Variants in BMPR2 observed in about 807,000 individuals in gnomAD.
BMPR2 encodes bone morphogenetic protein receptor type-2.
BMPR2 carries 29 observed loss-of-function variants against 100.8 expected under a neutral mutation model. The ratio of observed to expected loss-of-function variants is 0.29; its 90% CI spans 0.21 to 0.39. BMPR2 has a LOEUF of 0.39. Among genes scored for constraint, BMPR2 ranks in the 10% least tolerant of loss-of-function variants. BMPR2 has a pLI of 1.00. For missense variants in BMPR2, 1,011 were observed against 1,274.5 expected, an observed-to-expected ratio of 0.79 and a Z score of 3.15; for synonymous variants, 382 against 442.3, an observed-to-expected ratio of 0.86 and a Z score of 1.71.
intron 9 of BMPR2, among the ~76,000 whole-genome samples, chr2:202,534,886 C>T (rs1324952249): frequency 6.9e-6 from 1 of 145,606 alleles, no homozygotes; most frequent in African/African-American, 2.6e-5. Flanking sequence ...GACGGGGCGG[C>T]TGGCCGGGCG....
chr2:202,497,448 G>C (rs910628276), intron 3 of BMPR2, among the ~76,000 whole-genome samples: 1 of 152,218 alleles, frequency 6.6e-6, no homozygotes, highest in Non-Finnish European at 1.5e-5. Flanking sequence ...GTAAAGACAC[G>C]GGTGTCAGGC....
intron 1 of BMPR2, among the ~76,000 whole-genome samples, chr2:202,462,973 A>C (rs943263132): frequency 1.3e-5 from 2 of 152,040 alleles, no homozygotes; most frequent in Non-Finnish European, 2.9e-5. Context: ...TGGCCTCCCA[A>C]AGTGCCTGGG....
chr2:202,429,073 T>C (rs1397517303), intron 1 of BMPR2, among the ~76,000 whole-genome samples: 1 of 152,170 alleles, frequency 6.6e-6, no homozygotes, highest in African/African-American at 2.4e-5. Context: ...ATCTCTAGAA[T>C]CTATTCCTTT....
intron 7 of BMPR2, 136 bp downstream of exon 7, chr2:202,520,337 C>T: frequency 2.7e-6 from 2 of 730,812 alleles, no homozygotes; most frequent in Non-Finnish European, 4.7e-6. Flanking sequence ...TTGAAAGATT[C>T]AGCATGAAAT....
rs538820926 is a variant in BMPR2, at chr2:202,503,675, G to A, written c.419-10044G>A. On this transcript the variant is annotated intron_variant, in intron 3 of 12. Transcript: ENST00000374580. The surrounding 1 kb of genome is among the most constrained non-coding windows in gnomAD (Gnocchi z 4.0). Reference sequence around the variant, plus strand: ...CCACCCCCTCCATGGGCCCCTGTGCGGCCCGAGCCTCCCTGATGAGTGCCG... The same window carrying A: ...CCACCCCCTCCATGGGCCCCTGTGCAGCCCGAGCCTCCCTGATGAGTGCCG... 1.7e-4 allele frequency among the ~76,000 whole-genome samples: 26 copies of A among 152,274 alleles called. No homozygotes were observed. The highest frequency in any genetic ancestry group is 2.8e-4 in the Non-Finnish European group (19 of 68,006).
Position 202,560,072 on chromosome 2 carries a change from A to G in BMPR2, c.*126A>G, listed in dbSNP as rs1688653990. The G allele has an allele frequency of 8.3e-7, 1 of 1,199,460 alleles. No homozygotes were observed. Among genetic ancestry groups the G allele is most frequent in the South Asian group, 1.4e-5 (1 of 69,300 alleles). The allele number at this position is 1,199,460 out of a possible 1,614,324, so 74.3% of individuals were successfully genotyped here. ...ACCCCCTCCCACCCCTGCAACAAAG[A>G]CTTGCTTTAAATAGATTTCAGCTAT... On this transcript the variant is annotated 3_prime_UTR_variant, in exon 13 of 13. Transcript: ENST00000374580.
chr2:202,488,137 G>T (rs1353380439), intron 3 of BMPR2, among the ~76,000 whole-genome samples: 3 of 152,074 alleles, frequency 2.0e-5, no homozygotes, highest in African/African-American at 7.2e-5. Context: ...TCAAATATTG[G>T]CAATAAAGAG....
At chr2:202,538,695 G>A (rs1688209699) in intron 9 of BMPR2, among the ~76,000 whole-genome samples, 4 of 151,438 alleles carry the variant, frequency 2.6e-5, no homozygotes, top group African/African-American at 9.7e-5. Context: ...TCGGGAGGCT[G>A]AGGCAAGAGA....
chr2:202,504,744 A>G (rs1687486625), intron 3 of BMPR2, among the ~76,000 whole-genome samples: 2 of 145,700 alleles, frequency 1.4e-5, no homozygotes, highest in Admixed American at 7.0e-5. Flanking sequence ...CAGTGGCGCA[A>G]TCTCTGCTCA....
intron 8 of BMPR2, 49 bp downstream of exon 8, chr2:202,531,003 T>C (rs1178882618): frequency 6.2e-7 from 1 of 1,607,480 alleles, no homozygotes; most frequent in Admixed American, 1.7e-5. Context: ...AAATGATAAT[T>C]TAATTAAAAC....
At chr2:202,448,980 G>A (rs1345887764) in intron 1 of BMPR2, among the ~76,000 whole-genome samples, 4 of 149,050 alleles carry the variant, frequency 2.7e-5, no homozygotes, top group African/African-American at 9.9e-5. Flanking sequence ...GTTTTAATCA[G>A]CTTTTGCTTG....
At chr2:202,421,167 C>T (rs1010096296) in intron 1 of BMPR2, among the ~76,000 whole-genome samples, 4 of 151,998 alleles carry the variant, frequency 2.6e-5, no homozygotes, top group Admixed American at 6.6e-5. Context: ...AGGAGAATCG[C>T]TTGAACCCAG....
chr2:202,405,463 C>G (rs1008232450), intron 1 of BMPR2, among the ~76,000 whole-genome samples: 1 of 151,762 alleles, frequency 6.6e-6, no homozygotes. Flanking sequence ...CTGAGGCGGG[C>G]GGATCACGAG....
At position 202,503,199 on chromosome 2, in the gene BMPR2, G is replaced by A. The variant is rs1687440115; in HGVS notation, c.419-10520G>A. Among the ~76,000 whole-genome samples, 1 of 152,214 alleles carries A rather than the reference G, an allele frequency of 6.6e-6. No individual in the cohort carries two copies. The highest frequency in any genetic ancestry group is 1.5e-5 in the Non-Finnish European group (1 of 68,044). ...CATTTGGGGTGTCCTGTTTAGAGGG[G>A]GGATTGAGAGGTAACAGCGTGCTGG... On this transcript the variant is annotated intron_variant, in intron 3 of 12. Transcript: ENST00000374580. This position sits in a 1 kb window ranked among gnomAD's most constrained non-coding sequence, Gnocchi z 4.0.
intron 8 of BMPR2, among the ~76,000 whole-genome samples, chr2:202,531,856 G>A (rs932807471): frequency 1.3e-5 from 2 of 148,998 alleles, no homozygotes. Flanking sequence ...TTGAAGTCCT[G>A]ACCTTAGGTG....
intron 1 of BMPR2, among the ~76,000 whole-genome samples, chr2:202,382,722 A>G (rs1690329313): frequency 6.6e-6 from 1 of 152,246 alleles, no homozygotes; most frequent in South Asian, 2.1e-4. Context: ...TATGTAGTTT[A>G]AGAGGTATAG....
chr2:202,400,360 G>T (rs1690747326), intron 1 of BMPR2, among the ~76,000 whole-genome samples: 1 of 149,192 alleles, frequency 6.7e-6, no homozygotes, highest in South Asian at 2.1e-4. Context: ...ATGTTGCCCA[G>T]GCTGGTCTTG....
intron 1 of BMPR2, among the ~76,000 whole-genome samples, chr2:202,425,813 A>C (rs984073940): frequency 2.6e-5 from 4 of 152,304 alleles, no homozygotes; most frequent in South Asian, 2.1e-4. Context: ...GGGCACAAAA[A>C]CCAAAAATAA....
At chr2:202,465,486 T>C (rs968193634) in intron 2 of BMPR2, among the ~76,000 whole-genome samples, 1 of 152,230 alleles carries the variant, frequency 6.6e-6, no homozygotes, top group Non-Finnish European at 1.5e-5. Flanking sequence ...TATAATGTTA[T>C]ACATGCCCGT....
Sources: allele counts gnomAD v4.1 joint callset (sites outside exome capture counted in the v4.1 genomes callset), GRCh38; gene constraint gnomAD v4.1.1; non-coding constraint Gnocchi (gnomAD v3.1); transcripts MANE v1.5; gene names NCBI Gene and HGNC (gene_info 2026-07-23, HGNC 2026-07-21).